CSMD3: variants seen among roughly 807,000 people sequenced by gnomAD.
CSMD3 encodes CUB and Sushi multiple domains 3, also known as CUB and sushi domain-containing protein 3.
Under a neutral mutation model 435.2 loss-of-function variants are expected in CSMD3, and 177 were observed. That is an observed-to-expected ratio of 0.41 (90% confidence interval 0.36 to 0.46). CSMD3 has a LOEUF of 0.46. CSMD3 is among the 20% of genes least tolerant of loss of function. CSMD3 has a pLI of 0.34. For synonymous variants in CSMD3, 1,656 were observed against 1,520.5 expected, an observed-to-expected ratio of 1.09 and a Z score of -2.07; for missense variants, 4,265 against 4,504.6, an observed-to-expected ratio of 0.95 and a Z score of 1.52.
chr8:112,661,872 C>T (rs2075388946), intron 17 of CSMD3, among the ~76,000 whole-genome samples: 1 of 152,118 alleles, frequency 6.6e-6, no homozygotes, highest in African/African-American at 2.4e-5. Flanking sequence ...TCCATTCCTA[C>T]TCCCCAACAT....
At chr8:113,427,315 T>A (rs1389443244) in intron 1 of CSMD3, among the ~76,000 whole-genome samples, 1 of 151,410 alleles carries the variant, frequency 6.6e-6, no homozygotes, top group Admixed American at 6.6e-5. Context: ...CTTAAGTTAA[T>A]CTTTAGATTG....
intron 33 of CSMD3, 138 bp from the exon 34 acceptor site, chr8:112,408,551 T>C: frequency 1.4e-6 from 1 of 699,438 alleles, no homozygotes; most frequent in Admixed American, 2.2e-5. Context: ...ATCCTACAAC[T>C]ACCAATATAT....
intron 1 of CSMD3, among the ~76,000 whole-genome samples, chr8:113,396,019 G>C (rs1421022610): frequency 6.6e-6 from 1 of 152,102 alleles, no homozygotes; most frequent in African/African-American, 2.4e-5. Context: ...TCAGTGAGGA[G>C]AGGAGCTCCA....
chr8:113,385,361 A>G (rs2094434855), intron 1 of CSMD3, among the ~76,000 whole-genome samples: 1 of 152,060 alleles, frequency 6.6e-6, no homozygotes, highest in Admixed American at 6.6e-5. Flanking sequence ...TAAACACAAA[A>G]ATGAAACGAT....
intron 32 of CSMD3, among the ~76,000 whole-genome samples, chr8:112,441,091 T>C (rs1189574107): frequency 6.6e-6 from 1 of 152,168 alleles, no homozygotes; most frequent in Non-Finnish European, 1.5e-5. Context: ...CAAACTCTTA[T>C]GCTCTGCTTC....
intron 3 of CSMD3, among the ~76,000 whole-genome samples, chr8:113,274,816 C>T (rs2093556626): frequency 8.9e-6 from 1 of 112,630 alleles, no homozygotes; most frequent in Admixed American, 1.2e-4. Flanking sequence ...TCACATTCAG[C>T]TACACACACA....
At chr8:112,969,342 A>G (rs1349875932) in intron 7 of CSMD3, among the ~76,000 whole-genome samples, 2 of 152,042 alleles carry the variant, frequency 1.3e-5, no homozygotes, top group Non-Finnish European at 2.9e-5. Context: ...TGAATTAACC[A>G]TTCTTACCTT....
At chr8:113,248,484 TACATATATATACAC>T (rs2093301595) in intron 3 of CSMD3, among the ~76,000 whole-genome samples, 1 of 137,866 alleles carries the variant, frequency 7.3e-6, no homozygotes, top group Non-Finnish European at 1.6e-5. Context: ...TATGTATATA[TACATATATATACAC>T]ACACACATAT....
At position 112,406,674 on chromosome 8, in the gene CSMD3, C is replaced by G. The variant is rs149542393; in HGVS notation, c.5659G>C (p.Gly1887Arg). The G allele has an allele frequency of 6.2e-7, 1 of 1,611,938 alleles. No homozygotes were observed. The highest frequency in any genetic ancestry group is 8.5e-7 in the Non-Finnish European group (1 of 1,178,524). Residue 1887 changes from glycine (G) to arginine (R), a missense_variant, in exon 35 of 71, where the codon GGA (glycine) becomes CGA (arginine). Physicochemically the swap from Gly to Arg is moderately radical, Grantham distance 125. Around this residue, in one of 3 missense-constraint regions of CSMD3, gnomAD observed 3,255 missense variants for 3,380.2 expected, o/e 0.96. Transcript: ENST00000297405. ...QCSSVPEPRF[G>R]RRIGNEFAVG... ...GCAAATTCATTGCCAATTCTTCTTC[C>G]GAATCTTGGTTCAGGCACAGAACTG...
chr8:112,684,222 A>AT lies in CSMD3; in HGVS notation c.2482+1183dup, dbSNP rs758329087. ...CTATCTTTAGACATGTACATGAAGTATTTTTTAAAAATTCTCAAAGCAGTC... is the reference window on the plus strand; with the variant it reads ...CTATCTTTAGACATGTACATGAAGTATTTTTTTAAAAATTCTCAAAGCAGTC... On this transcript the variant is annotated intron_variant, in intron 15 of 70. Coordinates refer to ENST00000297405, the MANE Select transcript of CSMD3 (RefSeq NM_198123.2). Among the ~76,000 whole-genome samples the AT allele has an allele frequency of 1.4e-4, 21 of 152,002 alleles. No homozygotes were observed. In the South Asian group the frequency reaches 1.7e-3, roughly 12 times the overall value.
At chr8:113,154,352 A>T (rs949568570) in intron 4 of CSMD3, among the ~76,000 whole-genome samples, 30 of 152,048 alleles carry the variant, frequency 2.0e-4, no homozygotes, top group African/African-American at 7.2e-4. Flanking sequence ...AACCGATGGC[A>T]TCAAAATTGG....
intron 59 of CSMD3, among the ~76,000 whole-genome samples, chr8:112,272,626 G>A (rs150099039): frequency 1.1e-3 from 171 of 152,180 alleles, no homozygotes; most frequent in Non-Finnish European, 1.9e-3. Context: ...CTCTAAATAC[G>A]TGATGCCTGA....
At chr8:113,318,849 A>T (rs1208071461) in intron 1 of CSMD3, among the ~76,000 whole-genome samples, 1 of 149,238 alleles carries the variant, frequency 6.7e-6, no homozygotes, top group Non-Finnish European at 1.5e-5. Context: ...GTGTATATAT[A>T]AAAAGGGATC....
At chr8:112,390,895 A>G in intron 35 of CSMD3, 107 bp from the exon 36 acceptor site, 1 of 1,049,508 alleles carries the variant, frequency 9.5e-7, no homozygotes, top group Non-Finnish European at 1.4e-6. Flanking sequence ...CTTGCAAATC[A>G]AATCATACTT....
chr8:112,914,690 T>G (rs970144294), intron 10 of CSMD3, among the ~76,000 whole-genome samples: 3 of 151,774 alleles, frequency 2.0e-5, no homozygotes, highest in African/African-American at 7.2e-5. Flanking sequence ...CTATGCCTTT[T>G]GTTTCCTCTT....
At position 112,406,713 on chromosome 8, in the gene CSMD3, T is replaced by G; in HGVS notation, c.5620A>C (p.Ser1874Arg). 6.3e-7 allele frequency: 1 copy of G among 1,597,302 alleles called. No individual in the cohort carries two copies. The highest frequency in any genetic ancestry group is 8.6e-7 in the Non-Finnish European group (1 of 1,168,058). The change falls in exon 35 of 71, where the codon AGT (serine) becomes CGT (arginine). Residue 1874 changes from serine to arginine, a missense_variant. Coordinates refer to ENST00000297405, the MANE Select transcript of CSMD3 (RefSeq NM_198123.2). ...GGCACAGAACTGCATTGTGTAGAAC[T>G]TGTTCTAGGAACAGCTGTGTAGAAA... ...HFVYQAVPRT[S>R]STQCSSVPEP...
At chr8:112,232,091 T>C (rs1354243524) in intron 68 of CSMD3, among the ~76,000 whole-genome samples, 1 of 152,046 alleles carries the variant, frequency 6.6e-6, no homozygotes, top group Non-Finnish European at 1.5e-5. Context: ...GGATTGACAA[T>C]AGTTAAGTTG....
intron 22 of CSMD3, among the ~76,000 whole-genome samples, chr8:112,588,155 T>G (rs1830886645): frequency 6.6e-6 from 1 of 151,736 alleles, no homozygotes; most frequent in Non-Finnish European, 1.5e-5. Context: ...ATATTTACAT[T>G]TTCAAATATT....
intron 27 of CSMD3, among the ~76,000 whole-genome samples, chr8:112,550,256 T>C (rs1827559511): frequency 6.6e-6 from 1 of 151,984 alleles, no homozygotes; most frequent in South Asian, 2.1e-4. Context: ...GATATTTAGA[T>C]AATTTTTAAA....
Sources: allele counts gnomAD v4.1 joint callset (sites outside exome capture counted in the v4.1 genomes callset), GRCh38; gene constraint gnomAD v4.1.1; regional missense constraint gnomAD v4.1.1; transcripts MANE v1.5; gene names NCBI Gene and HGNC (gene_info 2026-07-23, HGNC 2026-07-21).